The following RAPGEF2 variants were observed in gnomAD, a reference collection of about 807,000 sequenced individuals.
The protein encoded by RAPGEF2 is PDZ domain containing guanine nucleotide exchange factor (GEF) 1.
RAPGEF2 carries 54 observed loss-of-function variants against 186.7 expected under a neutral mutation model. The observed-to-expected ratio is 0.29, with a 90% confidence interval of 0.23 to 0.36. The LOEUF is 0.36. Among genes scored for constraint, RAPGEF2 ranks in the 10% least tolerant of loss-of-function variants. The probability of loss-of-function intolerance (pLI) is 1.00; values close to 1 mark genes in which losing one functional copy is unlikely to be tolerated. For missense variants in RAPGEF2, 1,532 were observed against 2,045.0 expected (o/e 0.75, Z 4.84); for synonymous variants, 712 against 705.9 (o/e 1.01, Z -0.14).
chr4:159,322,476 G>T lies in RAPGEF2; in HGVS notation c.983G>T (p.Gly328Val). The T allele has an allele frequency of 6.2e-7, 1 of 1,613,266 alleles. No homozygotes were observed. Among genetic ancestry groups the T allele is most frequent in the South Asian group, 1.1e-5 (1 of 90,980 alleles). The change falls in exon 10 of 30, where the codon GGT becomes GTT. Residue 328 changes from glycine (G) to valine (V), a missense_variant. Physicochemically the swap from Gly to Val is moderately radical, Grantham distance 109. Transcript: ENST00000691494. ...ERAGTIVLND[G>V]EELDSWSVIL... ...GCAGGGACCATAGTGTTAAATGATGGTGAAGAGGTGAGTAACTATTCCTAC... is the reference window on the plus strand; with the variant it reads ...GCAGGGACCATAGTGTTAAATGATGTTGAAGAGGTGAGTAACTATTCCTAC...
intron 1 of RAPGEF2, among the ~76,000 whole-genome samples, chr4:159,129,393 ATT>A (rs567695910): frequency 8.7e-4 from 132 of 152,248 alleles, no homozygotes; most frequent in Middle Eastern, 6.8e-3. Context: ...TCAGTTCTTT[ATT>A]TTATGTTTAG....
intron 7 of RAPGEF2, among the ~76,000 whole-genome samples, chr4:159,299,796 C>T (rs925631733): frequency 5.3e-5 from 8 of 151,628 alleles, no homozygotes; most frequent in African/African-American, 1.9e-4. Flanking sequence ...TATCAAATTC[C>T]TATTTATATA....
At chr4:159,244,320 C>T (rs1754357390) in intron 7 of RAPGEF2, among the ~76,000 whole-genome samples, 1 of 151,676 alleles carries the variant, frequency 6.6e-6, no homozygotes, top group African/African-American at 2.4e-5. Flanking sequence ...TTTAAAATCT[C>T]TTGTATTTTC....
intron 3 of RAPGEF2, among the ~76,000 whole-genome samples, chr4:159,203,772 G>A (rs1302721392): frequency 1.3e-5 from 2 of 152,168 alleles, no homozygotes; most frequent in Admixed American, 6.5e-5. Context: ...AAGGAGATGA[G>A]GAAGATGAAG....
intron 1 of RAPGEF2, among the ~76,000 whole-genome samples, chr4:159,105,698 T>G (rs1737793481): frequency 6.6e-6 from 1 of 152,248 alleles, no homozygotes; most frequent in African/African-American, 2.4e-5. Context: ...CTATTTGTTT[T>G]AAAATGGTCA....
At chr4:159,324,377 A>T (rs1765649590) in intron 11 of RAPGEF2, among the ~76,000 whole-genome samples, 1 of 152,212 alleles carries the variant, frequency 6.6e-6, no homozygotes, top group African/African-American at 2.4e-5. Flanking sequence ...ATAACACCCC[A>T]GAAAAGTAAA....
At position 159,314,668 on chromosome 4, in the gene RAPGEF2, T is replaced by A. The variant is rs1318528231; in HGVS notation, c.753T>A (p.Asp251Glu). ...ETAVDSEDDD[D>E]EEDIERASDP... Reference sequence around the variant, plus strand: ...CAGTGGATTCCGAAGACGACGACGATGAAGAAGACATTGAGAGAGCATCAG... The same window carrying A: ...CAGTGGATTCCGAAGACGACGACGAAGAAGAAGACATTGAGAGAGCATCAG... The change falls in exon 9 of 30, where the codon GAT (aspartate) becomes GAA (glutamate). Residue 251 changes from aspartate (D) to glutamate (E), a missense_variant. Physicochemically the swap from Asp to Glu is conservative, Grantham distance 45. Transcript: ENST00000691494. 3 of 1,614,026 alleles carry A rather than the reference T, an allele frequency of 1.9e-6. No homozygotes were observed. Among genetic ancestry groups the A allele is most frequent in the South Asian group, 2.2e-5 (2 of 91,080 alleles).
intron 1 of RAPGEF2, among the ~76,000 whole-genome samples, chr4:159,129,380 G>T (rs1224692543): frequency 6.6e-6 from 1 of 152,118 alleles, no homozygotes; most frequent in South Asian, 2.1e-4. Flanking sequence ...TACAGTTATG[G>T]TGTCAGTTCT....
chr4:159,141,636 G>T (rs1742348354), intron 1 of RAPGEF2, among the ~76,000 whole-genome samples: 1 of 151,894 alleles, frequency 6.6e-6, no homozygotes, highest in African/African-American at 2.4e-5. Flanking sequence ...ATTGCCAAAT[G>T]GCTCATTGAG....
At chr4:159,295,766 CGCGCGCGCAT>C (rs1198854073) in intron 7 of RAPGEF2, among the ~76,000 whole-genome samples, 3 of 145,128 alleles carry the variant, frequency 2.1e-5, no homozygotes, top group East Asian at 2.0e-4. Context: ...CGCGCGCGCG[CGCGCGCGCAT>C]GCACATAATG....
intron 1 of RAPGEF2, among the ~76,000 whole-genome samples, chr4:159,148,404 A>G (rs1051154952): frequency 1.3e-5 from 2 of 152,208 alleles, no homozygotes; most frequent in African/African-American, 4.8e-5. Context: ...ATTATTTCTT[A>G]TATTTTGAAT....
At chr4:159,329,702 G>A (rs966930124) in intron 11 of RAPGEF2, 156 bp from the exon 12 acceptor site, 7 of 465,316 alleles carry the variant, frequency 1.5e-5, no homozygotes, top group African/African-American at 1.4e-4. Context: ...TAAAAGTAGA[G>A]AAGTCTGATT....
intron 7 of RAPGEF2, among the ~76,000 whole-genome samples, chr4:159,289,351 T>C (rs1347566048): frequency 6.6e-6 from 1 of 152,192 alleles, no homozygotes; most frequent in Non-Finnish European, 1.5e-5. Context: ...TTCAGAAGTT[T>C]TGTCATTAAT....
chr4:159,268,827 C>G (rs1757747908), intron 7 of RAPGEF2, among the ~76,000 whole-genome samples: 1 of 152,102 alleles, frequency 6.6e-6, no homozygotes, highest in Non-Finnish European at 1.5e-5. Context: ...AAAGACTTTT[C>G]TATGCCTAAC....
chr4:159,289,603 A>G lies in RAPGEF2; in HGVS notation c.544-14739A>G, dbSNP rs191794078. Among the ~76,000 whole-genome samples, 340 of 152,328 alleles carry G rather than the reference A, an allele frequency of 2.2e-3. 8 individuals carry two copies. The highest frequency in any genetic ancestry group is 0.02 in the Admixed American group (313 of 15,288). Reference sequence around the variant, plus strand: ...ACCAGTTCAATGATCTGCTCATTAAATACTTACTATACCTTAGGTACTATA... The same window carrying G: ...ACCAGTTCAATGATCTGCTCATTAAGTACTTACTATACCTTAGGTACTATA... On this transcript the variant is annotated intron_variant, in intron 7 of 29. Transcript: ENST00000691494.
At chr4:159,242,920 T>C (rs1047653605) in intron 6 of RAPGEF2, among the ~76,000 whole-genome samples, 1 of 151,974 alleles carries the variant, frequency 6.6e-6, no homozygotes, top group East Asian at 1.9e-4. Flanking sequence ...TTATTTAAAA[T>C]GTAGCGTTAA....
chr4:159,254,803 A>G (rs1755944714), intron 7 of RAPGEF2, among the ~76,000 whole-genome samples: 1 of 151,842 alleles, frequency 6.6e-6, no homozygotes, highest in African/African-American at 2.4e-5. Context: ...GTTTGACCAT[A>G]TTGGCCAGGC....
At chr4:159,261,337 C>G (rs530678068) in intron 7 of RAPGEF2, among the ~76,000 whole-genome samples, 11 of 152,218 alleles carry the variant, frequency 7.2e-5, no homozygotes, top group African/African-American at 2.6e-4. Context: ...GCTGGGATTA[C>G]GGGCGTGAGC....
At chr4:159,148,197 C>G (rs1743145481) in intron 1 of RAPGEF2, among the ~76,000 whole-genome samples, 1 of 151,994 alleles carries the variant, frequency 6.6e-6, no homozygotes, top group African/African-American at 2.4e-5. Flanking sequence ...AATCACTCAT[C>G]TGATGTTGAA....
Sources: allele counts gnomAD v4.1 joint callset (sites outside exome capture counted in the v4.1 genomes callset), GRCh38; gene constraint gnomAD v4.1.1; transcripts MANE v1.5; gene names NCBI Gene and HGNC (gene_info 2026-07-23, HGNC 2026-07-21).